Variants in GABBR2 observed in about 807,000 individuals in gnomAD.
GABBR2 encodes the protein gamma-aminobutyric acid type B receptor subunit 2.
GABBR2 carries 23 observed loss-of-function variants against 105.6 expected under a neutral mutation model. That is an observed-to-expected ratio of 0.22 (90% confidence interval 0.16 to 0.31). GABBR2 has a LOEUF of 0.31. Among genes scored for constraint, GABBR2 ranks in the 10% least tolerant of loss-of-function variants. The pLI is 1.00. For missense variants in GABBR2, 734 were observed against 1,245.5 expected, an observed-to-expected ratio of 0.59 and a Z score of 6.18; for synonymous variants, 478 against 499.7, an observed-to-expected ratio of 0.96 and a Z score of 0.58.
intron 2 of GABBR2, among the ~76,000 whole-genome samples, chr9:98,556,775 G>GTGGC (rs1373911027): frequency 6.6e-6 from 1 of 152,194 alleles, no homozygotes; most frequent in Non-Finnish European, 1.5e-5. Flanking sequence ...ACCGGGTGCG[G>GTGGC]TGGCTGACGC....
chr9:98,509,662 G>C lies in GABBR2; in HGVS notation c.631-13148C>G, dbSNP rs527784217. ...AGCCAATGCGATCAACTGGAAGAAA[G>C]GGTATCAGGGATGGAAGATGAAATG... On this transcript the variant is annotated intron_variant, in intron 3 of 18. Coordinates refer to ENST00000259455, the MANE Select transcript of GABBR2 (RefSeq NM_005458.8). Among the ~76,000 whole-genome samples the C allele has an allele frequency of 1.2e-4, 18 of 152,282 alleles. No homozygotes were observed. In the East Asian group the frequency reaches 3.5e-3, roughly 29 times the overall value.
chr9:98,702,172 T>G (rs72731087), intron 1 of GABBR2, among the ~76,000 whole-genome samples: 7,844 of 152,082 alleles, frequency 0.052, 295 homozygotes, highest in Middle Eastern at 0.14. Context: ...GGCCAGGGCT[T>G]ATTGGACAGG....
intron 13 of GABBR2, among the ~76,000 whole-genome samples, chr9:98,322,819 A>G (rs1830848109): frequency 6.6e-6 from 1 of 151,846 alleles, no homozygotes; most frequent in Non-Finnish European, 1.5e-5. Context: ...TGCCCAAAAC[A>G]TCTTCCTTCC....
At chr9:98,550,970 A>G (rs1195823399) in intron 2 of GABBR2, among the ~76,000 whole-genome samples, 1 of 152,124 alleles carries the variant, frequency 6.6e-6, no homozygotes, top group Non-Finnish European at 1.5e-5. Context: ...CCATTCTCTA[A>G]CATGCCTGAG....
chr9:98,396,704 T>C (rs1832297898), intron 8 of GABBR2, among the ~76,000 whole-genome samples: 1 of 152,118 alleles, frequency 6.6e-6, no homozygotes. Context: ...GATTTATTTA[T>C]TTGAGGCAGG....
At chr9:98,429,768 AC>A (rs1464582091) in intron 7 of GABBR2, among the ~76,000 whole-genome samples, 4 of 152,072 alleles carry the variant, frequency 2.6e-5, no homozygotes, top group Non-Finnish European at 5.9e-5. Context: ...AGGCGAGAAA[AC>A]AGATGTCTTC....
intron 2 of GABBR2, among the ~76,000 whole-genome samples, chr9:98,564,117 G>A (rs1828718079): frequency 6.6e-6 from 1 of 152,166 alleles, no homozygotes; most frequent in Non-Finnish European, 1.5e-5. Context: ...TGGGGGTCAT[G>A]AATGATTTAC....
intron 1 of GABBR2, among the ~76,000 whole-genome samples, chr9:98,646,018 G>A (rs570480391): frequency 1.0e-3 from 157 of 152,272 alleles, no homozygotes; most frequent in African/African-American, 3.6e-3. Flanking sequence ...GTCTGGCTCC[G>A]GGATCCCTGT....
intron 2 of GABBR2, among the ~76,000 whole-genome samples, chr9:98,560,093 A>G (rs1289627981): frequency 6.6e-6 from 1 of 152,172 alleles, no homozygotes; most frequent in Non-Finnish European, 1.5e-5. Flanking sequence ...ATGGCATGGA[A>G]CAGAATGGAG....
intron 3 of GABBR2, among the ~76,000 whole-genome samples, chr9:98,501,509 A>C (rs1428065551): frequency 6.6e-6 from 1 of 152,146 alleles, no homozygotes; most frequent in Non-Finnish European, 1.5e-5. Context: ...GAAGGAAGGG[A>C]CAATCCCTCT....
intron 3 of GABBR2, chr9:98,538,620 G>A (rs1052367607): frequency 3.6e-5 from 35 of 983,442 alleles, no homozygotes; most frequent in East Asian, 1.1e-4. Flanking sequence ...CCTTCTACCC[G>A]CTTCCATAGT....
chr9:98,639,715 C>T (rs981956514), intron 1 of GABBR2, among the ~76,000 whole-genome samples: 3 of 152,138 alleles, frequency 2.0e-5, no homozygotes, highest in Middle Eastern at 3.2e-3. Flanking sequence ...ACCCAGAAGC[C>T]TGTTCCCAGA....
chr9:98,654,548 G>C (rs1425709852), intron 1 of GABBR2, among the ~76,000 whole-genome samples: 1 of 152,226 alleles, frequency 6.6e-6, no homozygotes, highest in Non-Finnish European at 1.5e-5. Context: ...AAGCGGATGG[G>C]TGCTGTGGAA....
chr9:98,665,326 G>A (rs945382619), intron 1 of GABBR2, among the ~76,000 whole-genome samples: 2 of 151,796 alleles, frequency 1.3e-5, no homozygotes, highest in Non-Finnish European at 2.9e-5. Context: ...AAAAAGAAAA[G>A]AGAACTAACT....
intron 15 of GABBR2, among the ~76,000 whole-genome samples, chr9:98,303,774 C>A (rs968091977): frequency 6.6e-6 from 1 of 152,238 alleles, no homozygotes; most frequent in Non-Finnish European, 1.5e-5. Flanking sequence ...AAATAAGCCC[C>A]GAGGGCAACA....
intron 13 of GABBR2, among the ~76,000 whole-genome samples, chr9:98,323,624 T>C (rs1053839521): frequency 6.6e-6 from 1 of 152,152 alleles, no homozygotes; most frequent in Non-Finnish European, 1.5e-5. Flanking sequence ...GCTGTCCAGC[T>C]CCAGTCCTCG....
chr9:98,456,584 C>T (rs1422066927), intron 6 of GABBR2, among the ~76,000 whole-genome samples: 2 of 152,160 alleles, frequency 1.3e-5, no homozygotes, highest in Non-Finnish European at 2.9e-5. Context: ...TCAAACAATA[C>T]CTGCTTAGGC....
chr9:98,308,882 C>T (rs770838101), intron 14 of GABBR2, among the ~76,000 whole-genome samples: 2 of 152,240 alleles, frequency 1.3e-5, no homozygotes, highest in African/African-American at 4.8e-5. Context: ...ACATCATCCA[C>T]GAATGGCACA....
intron 9 of GABBR2, among the ~76,000 whole-genome samples, chr9:98,389,459 T>G (rs1832139842): frequency 6.6e-6 from 1 of 152,202 alleles, no homozygotes; most frequent in Non-Finnish European, 1.5e-5. Context: ...GATGGACACC[T>G]TGCCTGTTGG....
Sources: allele counts gnomAD v4.1 joint callset (sites outside exome capture counted in the v4.1 genomes callset), GRCh38; gene constraint gnomAD v4.1.1; transcripts MANE v1.5; gene names NCBI Gene and HGNC (gene_info 2026-07-23, HGNC 2026-07-21).